SPATA31C2: variants seen among roughly 807,000 people sequenced by gnomAD.
The protein encoded by SPATA31C2 is SPATA31 subfamily C member 2.
SPATA31C2 carries 5 observed loss-of-function variants against 11.4 expected under a neutral mutation model. That is an observed-to-expected ratio of 0.44 (90% CI 0.23 to 0.92). The LOEUF (loss-of-function observed/expected upper bound fraction) is 0.92, where lower values mean the gene tolerates loss of function less well. Ranked by LOEUF, SPATA31C2 falls within the 40% of genes least tolerant of loss-of-function variation. SPATA31C2 has a pLI of 0.24. For synonymous variants in SPATA31C2, 515 were observed against 538.7 expected, an observed-to-expected ratio of 0.96 and a Z score of 0.61; for missense variants, 1,353 against 1,368.6, an observed-to-expected ratio of 0.99 and a Z score of 0.18.
chr9:88,131,833 A>G lies in SPATA31C2; in HGVS notation c.1204T>C (p.Leu402=). 6.2e-7 allele frequency: 1 copy of G among 1,611,454 alleles called. No individual in the cohort carries two copies. The highest frequency in any genetic ancestry group is 8.5e-7 in the Non-Finnish European group (1 of 1,179,478). The change falls in exon 4 of 4, where the codon TTG becomes CTG. Residue 402 remains leucine, a synonymous_variant. Transcript: ENST00000324915. ...AACCCACCTTCTAGTTGTTTCTTCAACAAAGGCCTTTCAGGGTGCTGAGTT... is the reference window on the plus strand; with the variant it reads ...AACCCACCTTCTAGTTGTTTCTTCAGCAAAGGCCTTTCAGGGTGCTGAGTT... ...PETQHPERPL[L]KKQLEGGLAL... is the part of the protein sequence containing the mutation.
chr9:88,132,135 G>A lies in SPATA31C2; in HGVS notation c.902C>T (p.Ser301Leu), dbSNP rs559769583. The change falls in exon 4 of 4, where the codon TCG becomes TTG. Residue 301 changes from serine to leucine, a missense_variant. Ser to Leu is a moderately radical substitution (Grantham distance 145). This residue lies in a region of SPATA31C2 where 1,075 missense variants were observed against 992.8 expected (regional missense o/e 1.08). Transcript: ENST00000324915. Reference protein sequence around the residue: ...ETTKTWCVFNSSVQQDHLSRQ... With the variant: ...ETTKTWCVFNLSVQQDHLSRQ... ...GGAAAGATGATCTTGCTGGACTGAC[G>A]AGTTGAAGACGCACCAGGTTTTGGT... The A allele has an allele frequency of 1.9e-5, 30 of 1,610,618 alleles. No homozygotes were observed. The highest frequency in any genetic ancestry group is 4.4e-5 in the South Asian group (4 of 91,032).
intron 1 of SPATA31C2, among the ~76,000 whole-genome samples, chr9:88,133,905 C>G (rs1162300452): frequency 6.6e-6 from 1 of 152,122 alleles, no homozygotes; most frequent in Non-Finnish European, 1.5e-5. Flanking sequence ...GCCTATAATC[C>G]CAGCACTTTG....
chr9:88,137,641 GCA>G (rs1161448758), intron 1 of SPATA31C2, among the ~76,000 whole-genome samples: 1 of 118,770 alleles, frequency 8.4e-6, no homozygotes, highest in Non-Finnish European at 1.7e-5. Context: ...AAACACACAC[GCA>G]CACACACAGG....
In SPATA31C2 at chr9:88,130,504, C is replaced by G. The variant is rs771719543; in HGVS notation, c.2533G>C (p.Asp845His). The G allele has an allele frequency of 6.2e-7, 1 of 1,613,492 alleles. No individual in the cohort carries two copies. The highest frequency in any genetic ancestry group is 1.3e-5 in the African/African-American group (1 of 75,004). The change falls in exon 4 of 4, where the codon GAC becomes CAC. Residue 845 changes from aspartate (D) to histidine (H), a missense_variant. By Grantham distance (81) the Asp-to-His change is moderately conservative. Coordinates refer to ENST00000324915, the MANE Select transcript of SPATA31C2 (RefSeq NM_001350978.3). The stretch of plus-strand genomic sequence containing the variant: ...TCCATGAGACACAGCTTTCTTGGGT[C>G]TTGGGAGACAGACATTCTAGGGAGT... ...SLLPRMSVSQ[D>H]PRKLCLMEEA...
At chr9:88,137,050 CAACAA>C (rs1281880181) in intron 1 of SPATA31C2, among the ~76,000 whole-genome samples, 2 of 134,284 alleles carry the variant, frequency 1.5e-5, no homozygotes, top group East Asian at 4.4e-4. Context: ...TAATACAGCT[CAACAA>C]AACAAGTCTG....
rs768038925 is a variant in SPATA31C2, at chr9:88,130,621, C to T, written c.2416G>A (p.Val806Ile). The T allele has an allele frequency of 6.2e-7, 1 of 1,613,758 alleles. No homozygotes were observed. Among genetic ancestry groups the T allele is most frequent in the Non-Finnish European group, 8.5e-7 (1 of 1,179,790 alleles). Residue 806 changes from valine to isoleucine, a missense_variant, in exon 4 of 4, where the codon GTC becomes ATC. Transcript: ENST00000324915. ...ETREAVPQPT[V>I]PLGTCMRANL... ...GCTCTCATACAGGTTCCCAAGGGGA[C>T]TGTGGGTTGTGGCACTGCCTCCCTG... is the stretch of plus-strand genomic sequence containing the variant.
chr9:88,130,017 C>G lies in SPATA31C2; in HGVS notation c.3020G>C (p.Ser1007Thr). 6.2e-7 allele frequency: 1 copy of G among 1,608,784 alleles called. No individual in the cohort carries two copies. Among genetic ancestry groups the G allele is most frequent in the South Asian group, 1.1e-5 (1 of 90,998 alleles). Reference sequence around the variant, plus strand: ...TTGCTTGATGTTTTCTCCAAAGTGGCTTATTGAAGGAGGCTGTTTCTTTGA... The same window carrying G: ...TTGCTTGATGTTTTCTCCAAAGTGGGTTATTGAAGGAGGCTGTTTCTTTGA... ...LPSKKQPPSI[S>T]HFGENIKQFF... Residue 1007 changes from serine to threonine, a missense_variant, in exon 4 of 4, where the codon AGC becomes ACC. Coordinates refer to ENST00000324915, the MANE Select transcript of SPATA31C2 (RefSeq NM_001350978.3).
rs548891788 is a variant in SPATA31C2, at chr9:88,133,638, C to T, written c.221G>A (p.Arg74Gln). The T allele has an allele frequency of 2.0e-5, 32 of 1,584,448 alleles. No homozygotes were observed. In the East Asian group the frequency reaches 2.1e-4, roughly 11 times the overall value. ...CATCCTGCCTCTGGGCCTCCCCCTC[C>T]GCCCTGCTGGACGCTGGGAGACAAG... Reference protein sequence around the residue: ...RHLVSQRPAGRRGRPRGRMKN... With the variant: ...RHLVSQRPAGQRGRPRGRMKN... The change falls in exon 2 of 4, where the codon CGG becomes CAG. Residue 74 changes from arginine to glutamine, a missense_variant. Arg to Gln is a conservative substitution (Grantham distance 43, BLOSUM62 1). Coordinates refer to ENST00000324915, the MANE Select transcript of SPATA31C2 (RefSeq NM_001350978.3).
chr9:88,131,215 G>C lies in SPATA31C2; in HGVS notation c.1822C>G (p.Pro608Ala), dbSNP rs1178717796. The C allele has an allele frequency of 6.2e-7, 1 of 1,611,790 alleles. No homozygotes were observed. Among genetic ancestry groups the C allele is most frequent in the African/African-American group, 1.3e-5 (1 of 74,862 alleles). ...GTTTTCACGTGGGTGTTGGAGACGG[G>C]AAAAGCCTGGTTGACAGCAAGCCAG... ...RSWLAVNQAF[P>A]VSNTHVKTSN... Residue 608 changes from proline (P) to alanine (A), a missense_variant, in exon 4 of 4, where the codon CCC becomes GCC. Transcript: ENST00000324915.
intron 1 of SPATA31C2, among the ~76,000 whole-genome samples, chr9:88,134,531 G>C (rs564402460): frequency 1.3e-5 from 2 of 148,186 alleles, no homozygotes; most frequent in South Asian, 4.4e-4. Context: ...GTTTGATTTT[G>C]CCTTCATGCC....
rs780850322 is a variant in SPATA31C2, at chr9:88,133,657, A to G, written c.202T>C (p.Ser68Pro). ...CCCCTCCGCCCTGCTGGACGCTGGG[A>G]GACAAGATGACGCTGGGAGACAAGA... ...SPRKRKRHLVSQRPAGRRGRP... is the reference protein window; with the variant it reads ...SPRKRKRHLVPQRPAGRRGRP... The change falls in exon 2 of 4, where the codon TCC becomes CCC. Residue 68 changes from serine to proline, a missense_variant. This residue lies in a region of SPATA31C2 where 67 missense variants were observed against 41.4 expected (regional missense o/e 1.62). Coordinates refer to ENST00000324915, the MANE Select transcript of SPATA31C2 (RefSeq NM_001350978.3). 7 of 1,596,352 alleles carry G rather than the reference A, an allele frequency of 4.4e-6. No individual in the cohort carries two copies. Among genetic ancestry groups the G allele is most frequent in the Non-Finnish European group, 5.1e-6 (6 of 1,166,094 alleles).
At chr9:88,137,457 A>G (rs1825696207) in intron 1 of SPATA31C2, among the ~76,000 whole-genome samples, 1 of 146,152 alleles carries the variant, frequency 6.8e-6, no homozygotes, top group East Asian at 2.0e-4. Flanking sequence ...CCCCATCTCT[A>G]CTAAAAATAC....
chr9:88,132,612 C>T lies in SPATA31C2; in HGVS notation c.425G>A (p.Arg142Gln), dbSNP rs760522477. ...GTCTTCCGTAGGCTCATGAGAGGAC[C>T]GGGAGGCTCCATCAGGTGTTCTTTT... ...VGKRTPDGAS[R>Q]SSHEPTEDAA... The change falls in exon 4 of 4, where the codon CGG becomes CAG. Residue 142 changes from arginine (R) to glutamine (Q), a missense_variant. Physicochemically the swap from Arg to Gln is conservative, Grantham distance 43 (BLOSUM62 1). This residue lies in a region of SPATA31C2 where 1,075 missense variants were observed against 992.8 expected (regional missense o/e 1.08). Transcript: ENST00000324915. 27 of 1,609,598 alleles carry T rather than the reference C, an allele frequency of 1.7e-5. No homozygotes were observed. The highest frequency in any genetic ancestry group is 4.4e-5 in the South Asian group (4 of 90,950).
Position 88,130,786 on chromosome 9 carries a change from A to G in SPATA31C2, c.2251T>C (p.Ser751Pro). Residue 751 changes from serine to proline, a missense_variant, in exon 4 of 4, where the codon TCG becomes CCG. Physicochemically the swap from Ser to Pro is moderately conservative, Grantham distance 74. Transcript: ENST00000324915. The part of the protein sequence containing the change: ...FQRAPRGIPS[S>P]NDHGSLKAPT... ...GCCTTCAAGGACCCATGATCATTCG[A>G]AGATGGGATCCCTCGCGGGGCCCTC... The G allele has an allele frequency of 6.2e-7, 1 of 1,613,076 alleles. No homozygotes were observed. The highest frequency in any genetic ancestry group is 8.5e-7 in the Non-Finnish European group (1 of 1,179,876).
Position 88,132,282 on chromosome 9 carries a change from G to A in SPATA31C2, c.755C>T (p.Pro252Leu), listed in dbSNP as rs1825611996. 1.2e-6 allele frequency: 2 copies of A among 1,610,728 alleles called. No homozygotes were observed. Among genetic ancestry groups the A allele is most frequent in the South Asian group, 1.1e-5 (1 of 91,030 alleles). Residue 252 changes from proline (P) to leucine (L), a missense_variant, in exon 4 of 4, where the codon CCA (proline) becomes CTA (leucine). This residue lies in a region of SPATA31C2 where 1,075 missense variants were observed against 992.8 expected (regional missense o/e 1.08). Coordinates refer to ENST00000324915, the MANE Select transcript of SPATA31C2 (RefSeq NM_001350978.3). ...CAAGCTTTGAGGGACGGTGTCCAGT[G>A]GAAGTGCCACTGAGTCACAGTGAGA... The part of the protein sequence containing the change: ...TPSHCDSVAL[P>L]LDTVPQSLSP...
At position 88,130,724 on chromosome 9, in the gene SPATA31C2, C is replaced by G; in HGVS notation, c.2313G>C (p.Lys771Asn). Residue 771 changes from lysine to asparagine, a missense_variant, in exon 4 of 4, where the codon AAG (lysine) becomes AAC (asparagine). Physicochemically the swap from Lys to Asn is moderately conservative, Grantham distance 94 (BLOSUM62 0). Around this residue, in one of 6 missense-constraint regions of SPATA31C2, gnomAD observed 1,075 missense variants for 992.8 expected, o/e 1.08. Coordinates refer to ENST00000324915, the MANE Select transcript of SPATA31C2 (RefSeq NM_001350978.3). ...TGCCTGTGAGGCTGTATGTGAGGGG[C>G]TTAGATGGCCACCTGCCCTCCTGTC... ...TAGQEGRWPS[K>N]PLTYSLTGST... The G allele has an allele frequency of 6.2e-7, 1 of 1,613,700 alleles. No individual in the cohort carries two copies. The highest frequency in any genetic ancestry group is 8.5e-7 in the Non-Finnish European group (1 of 1,179,872).
intron 1 of SPATA31C2, among the ~76,000 whole-genome samples, chr9:88,133,926 G>C (rs2118720481): frequency 6.6e-6 from 1 of 152,294 alleles, no homozygotes; most frequent in East Asian, 1.9e-4. Flanking sequence ...GGAGGCTGAG[G>C]CAGGTGGATC....
chr9:88,129,849 A>C lies in SPATA31C2; in HGVS notation c.3188T>G (p.Leu1063Arg), dbSNP rs1196396371. 1 of 1,604,070 alleles carries C rather than the reference A, an allele frequency of 6.2e-7. No homozygotes were observed. The change falls in exon 4 of 4, where the codon CTG (leucine) becomes CGG (arginine). Residue 1063 changes from leucine (L) to arginine (R), a missense_variant. This residue lies in a region of SPATA31C2 where 187 missense variants were observed against 205.8 expected (regional missense o/e 0.91). Coordinates refer to ENST00000324915, the MANE Select transcript of SPATA31C2 (RefSeq NM_001350978.3). ...ERLMTAVGQI[L>R]EENMSLCHAR... Reference sequence around the variant, plus strand: ...ATGGCAAAGTGACATGTTCTCCTCCAGTATCTGTCCAACTGCTGTCATGAG... The same window carrying C: ...ATGGCAAAGTGACATGTTCTCCTCCCGTATCTGTCCAACTGCTGTCATGAG...
chr9:88,137,838 C>T (rs1347861304), intron 1 of SPATA31C2, among the ~76,000 whole-genome samples: 1 of 87,988 alleles, frequency 1.1e-5, no homozygotes, highest in African/African-American at 8.5e-5. Flanking sequence ...CCATATCACC[C>T]CACACAGAAG....
Sources: gnomAD v4.1 joint callset for allele counts (sites outside exome capture counted in the v4.1 genomes callset) on GRCh38, gnomAD v4.1.1 for gene constraint, gnomAD v4.1.1 regional missense constraint, MANE v1.5 for transcripts, NCBI Gene and HGNC (gene_info 2026-07-23, HGNC 2026-07-21) for gene names.